Variants in COBL observed in about 807,000 individuals in gnomAD.
The protein encoded by COBL is protein cordon-bleu.
In COBL, 51 loss-of-function variants were observed where a neutral mutation model predicts 98.8. The ratio of observed to expected loss-of-function variants is 0.52; its 90% confidence interval spans 0.41 to 0.65. The LOEUF (loss-of-function observed/expected upper bound fraction) is 0.65, where lower values mean the gene tolerates loss of function less well. COBL is among the 30% of genes least tolerant of loss of function. The pLI is 0.00. For synonymous variants in COBL, 634 were observed against 651.7 expected (o/e 0.97, Z 0.41); for missense variants, 1,617 against 1,617.5 (o/e 1.00, Z 0.01).
chr7:51,166,650 C>G (rs1787344499), intron 5 of COBL, among the ~76,000 whole-genome samples: 1 of 151,870 alleles, frequency 6.6e-6, no homozygotes, highest in Non-Finnish European at 1.5e-5. Flanking sequence ...GACACATCAA[C>G]AAAAGAAAAC....
At chr7:51,133,159 G>A (rs1798910038) in intron 6 of COBL, among the ~76,000 whole-genome samples, 2 of 152,076 alleles carry the variant, frequency 1.3e-5, no homozygotes, top group South Asian at 4.1e-4. Flanking sequence ...GACAGTGTGG[G>A]CCCCAGGAGA....
At chr7:51,271,658 G>A (rs1798773218) in intron 1 of COBL, among the ~76,000 whole-genome samples, 1 of 152,026 alleles carries the variant, frequency 6.6e-6, no homozygotes, top group South Asian at 2.1e-4. Flanking sequence ...GACTGAGGAG[G>A]GAAAAAACTC....
At chr7:51,217,156 T>C (rs1239178261) in intron 2 of COBL, among the ~76,000 whole-genome samples, 1 of 152,182 alleles carries the variant, frequency 6.6e-6, no homozygotes, top group Admixed American at 6.5e-5. Flanking sequence ...AGTCACTACA[T>C]TACAAAACTT....
rs1787890459 is a variant in COBL, at chr7:51,029,035, T to C, written c.2061A>G (p.Ser687=). Residue 687 remains serine (S), a synonymous_variant, in exon 10 of 13, where the codon TCA becomes TCG. Coordinates refer to ENST00000265136, the MANE Select transcript of COBL (RefSeq NM_015198.5). ...NDKNAALAPT[S]WHQRGQNPGK... ...CTGGGTTTTGGCCTCGTTGGTGCCATGATGTTGGTGCCAAGGCAGCGTTTT... is the reference window on the plus strand; with the variant it reads ...CTGGGTTTTGGCCTCGTTGGTGCCACGATGTTGGTGCCAAGGCAGCGTTTT... 2.5e-6 allele frequency: 4 copies of C among 1,614,054 alleles called. No homozygotes were observed. The highest frequency in any genetic ancestry group is 1.7e-5 in the Admixed American group (1 of 60,002).
chr7:51,080,269 C>A (rs1199620697), intron 7 of COBL, among the ~76,000 whole-genome samples: 1 of 152,210 alleles, frequency 6.6e-6, no homozygotes, highest in Non-Finnish European at 1.5e-5. Flanking sequence ...AATCCATTAT[C>A]CATTAGCTTT....
intron 9 of COBL, among the ~76,000 whole-genome samples, chr7:51,030,209 TTCTC>T (rs1788010262): frequency 6.6e-6 from 1 of 152,246 alleles, no homozygotes. Flanking sequence ...GTCTGTTATC[TTCTC>T]TCTAAGGCAT....
At chr7:51,171,370 T>C (rs540713865) in intron 5 of COBL, among the ~76,000 whole-genome samples, 5 of 152,302 alleles carry the variant, frequency 3.3e-5, no homozygotes, top group East Asian at 1.9e-4. Context: ...TTTGGCATGT[T>C]AGATCCTGAG....
intron 1 of COBL, among the ~76,000 whole-genome samples, chr7:51,221,135 T>C (rs1020270061): frequency 6.6e-5 from 10 of 152,118 alleles, no homozygotes; most frequent in Non-Finnish European, 1.0e-4. Context: ...TGCACAGACA[T>C]GGAACTCAGA....
At chr7:51,264,214 G>A (rs1355564013) in intron 1 of COBL, among the ~76,000 whole-genome samples, 1 of 152,130 alleles carries the variant, frequency 6.6e-6, no homozygotes, top group East Asian at 1.9e-4. Flanking sequence ...CCATGTGTTG[G>A]GGATCTGTTC....
intron 7 of COBL, among the ~76,000 whole-genome samples, chr7:51,075,393 C>T (rs997309340): frequency 2.0e-5 from 3 of 152,152 alleles, no homozygotes; most frequent in African/African-American, 7.2e-5. Context: ...TAGTAGCACA[C>T]TATGATATAT....
At chr7:51,305,161 T>C (rs1386280457) in intron 1 of COBL, among the ~76,000 whole-genome samples, 2 of 152,202 alleles carry the variant, frequency 1.3e-5, no homozygotes, top group Non-Finnish European at 2.9e-5. Context: ...AGAACACCTT[T>C]TCATGACAAT....
intron 8 of COBL, among the ~76,000 whole-genome samples, chr7:51,036,836 T>C (rs1384916213): frequency 6.6e-6 from 1 of 152,226 alleles, no homozygotes; most frequent in African/African-American, 2.4e-5. Flanking sequence ...ACCCACTTAT[T>C]CGATCTCTCT....
At chr7:51,225,954 G>A (rs1794137888) in intron 1 of COBL, among the ~76,000 whole-genome samples, 2 of 152,202 alleles carry the variant, frequency 1.3e-5, no homozygotes, top group Non-Finnish European at 2.9e-5. Context: ...GAGGTAGACA[G>A]GGACTGCATG....
In COBL at chr7:51,085,191, C is replaced by T; in HGVS notation, c.1071G>A (p.Lys357=). The T allele has an allele frequency of 6.2e-7, 1 of 1,614,010 alleles. No individual in the cohort carries two copies. The highest frequency in any genetic ancestry group is 8.5e-7 in the Non-Finnish European group (1 of 1,180,012). Residue 357 remains lysine, a synonymous_variant, in exon 7 of 13, where the codon AAG becomes AAA. Coordinates refer to ENST00000265136, the MANE Select transcript of COBL (RefSeq NM_015198.5). ...SPLIPNRTED[K]EENRKSTMVS... is the part of the protein sequence containing the mutation. The stretch of plus-strand genomic sequence containing the variant: ...CCATCGTGCTCTTCCTGTTCTCCTC[C>T]TTATCCTCAGTGCGGTTGGGGATCA...
chr7:51,102,162 C>T lies in COBL; in HGVS notation c.958-16858G>A, dbSNP rs537879975. Among the ~76,000 whole-genome samples, 12 of 152,238 alleles carry T rather than the reference C, an allele frequency of 7.9e-5. No homozygotes were observed. In the South Asian group the frequency reaches 2.3e-3, roughly 29 times the overall value. On this transcript the variant is annotated intron_variant, in intron 6 of 12. Coordinates refer to ENST00000265136, the MANE Select transcript of COBL (RefSeq NM_015198.5). ...AGAAATAATGGTTGTTTAACCCATC[C>T]AGTTTATATTTTCTATAGCAGTGTG...
At chr7:51,115,608 C>T (rs1797205193) in intron 6 of COBL, among the ~76,000 whole-genome samples, 1 of 152,046 alleles carries the variant, frequency 6.6e-6, no homozygotes, top group Admixed American at 6.6e-5. Flanking sequence ...TAATGTAATA[C>T]TCCACATGAT....
At chr7:51,225,485 C>T (rs1181322785) in intron 1 of COBL, among the ~76,000 whole-genome samples, 2 of 152,188 alleles carry the variant, frequency 1.3e-5, no homozygotes, top group Middle Eastern at 3.2e-3. Context: ...TCCTCTCACC[C>T]CCTCCAGTAG....
intron 1 of COBL, among the ~76,000 whole-genome samples, chr7:51,298,888 G>C (rs1801655109): frequency 6.6e-6 from 1 of 152,182 alleles, no homozygotes; most frequent in Non-Finnish European, 1.5e-5. Flanking sequence ...AAATCCACTT[G>C]TCCGAGCACA....
intron 5 of COBL, among the ~76,000 whole-genome samples, chr7:51,176,847 A>T (rs1395407336): frequency 6.6e-6 from 1 of 152,180 alleles, no homozygotes; most frequent in African/African-American, 2.4e-5. Context: ...CTGTGTTTGT[A>T]TATTGTCTAC....
Sources: gnomAD v4.1 joint callset for allele counts (sites outside exome capture counted in the v4.1 genomes callset) on GRCh38, gnomAD v4.1.1 for gene constraint, MANE v1.5 for transcripts, NCBI Gene and HGNC (gene_info 2026-07-23, HGNC 2026-07-21) for gene names.